Variants in LIMCH1 observed in about 807,000 individuals in gnomAD.
LIMCH1 encodes LIM and calponin homology domains 1.
In LIMCH1, 113 loss-of-function variants were observed where a neutral mutation model predicts 176.5. That is an observed-to-expected ratio of 0.64 (90% CI 0.55 to 0.75). LIMCH1 has a LOEUF of 0.75. LIMCH1 is among the 30% of genes least tolerant of loss of function. The pLI is 0.00. For synonymous variants in LIMCH1, 619 were observed against 645.9 expected, an observed-to-expected ratio of 0.96 and a Z score of 0.63; for missense variants, 1,674 against 1,814.9, an observed-to-expected ratio of 0.92 and a Z score of 1.41.
At chr4:41,617,148 A>G (rs2092173420) in intron 5 of LIMCH1, among the ~76,000 whole-genome samples, 1 of 152,112 alleles carries the variant, frequency 6.6e-6, no homozygotes, top group Non-Finnish European at 1.5e-5. Context: ...AGGATTTTAG[A>G]ATTGAGGGAC....
At chr4:41,553,147 C>T (rs1386332193) in intron 1 of LIMCH1, among the ~76,000 whole-genome samples, 2 of 152,132 alleles carry the variant, frequency 1.3e-5, no homozygotes, top group Non-Finnish European at 2.9e-5. Flanking sequence ...CAGTGATGGG[C>T]AGCTGTCTGA....
intron 1 of LIMCH1, among the ~76,000 whole-genome samples, chr4:41,544,264 G>C (rs1278539530): frequency 6.6e-6 from 1 of 152,158 alleles, no homozygotes; most frequent in Non-Finnish European, 1.5e-5. Context: ...TCGAAAGACT[G>C]TGAACATTCT....
chr4:41,662,796 G>T (rs201990911), intron 19 of LIMCH1, 25 bp from the exon 20 acceptor site: 295 of 1,548,532 alleles, frequency 1.9e-4, no homozygotes, highest in Non-Finnish European at 1.9e-4. Context: ...CCTTCTGTAC[G>T]TTTCTGGATG....
At chr4:41,514,628 T>C (rs1360112328) in intron 2 of LIMCH1, among the ~76,000 whole-genome samples, 1 of 152,174 alleles carries the variant, frequency 6.6e-6, no homozygotes, top group African/African-American at 2.4e-5. Context: ...CAGTGAGCAA[T>C]AGGCAGCCAG....
chr4:41,500,715 A>G (rs1189142551), intron 2 of LIMCH1, among the ~76,000 whole-genome samples: 4 of 152,220 alleles, frequency 2.6e-5, no homozygotes, highest in African/African-American at 4.8e-5. Context: ...TGTTGGGCAC[A>G]CCTGCCCAAG....
intron 1 of LIMCH1, among the ~76,000 whole-genome samples, chr4:41,547,360 C>T (rs982356272): frequency 6.6e-6 from 1 of 152,026 alleles, no homozygotes; most frequent in African/African-American, 2.4e-5. Flanking sequence ...TACTCTCTAC[C>T]TCTATGAGTT....
At chr4:41,514,115 G>A (rs1399588154) in intron 2 of LIMCH1, among the ~76,000 whole-genome samples, 1 of 144,112 alleles carries the variant, frequency 6.9e-6, no homozygotes, top group East Asian at 2.3e-4. Flanking sequence ...CAAAACTGAT[G>A]TTTTGAGTCC....
intron 1 of LIMCH1, among the ~76,000 whole-genome samples, chr4:41,584,168 C>A (rs1448684988): frequency 2.0e-5 from 3 of 152,164 alleles, no homozygotes; most frequent in African/African-American, 7.2e-5. Context: ...ATTGTCTTAA[C>A]CTGCAGCCCT....
chr4:41,626,818 T>A lies in LIMCH1; in HGVS notation c.836T>A (p.Val279Asp), dbSNP rs1276272569. Residue 279 changes from valine to aspartate, a missense_variant, in exon 8 of 32, where the codon GTT becomes GAT. Physicochemically the swap from Val to Asp is radical, Grantham distance 152 (BLOSUM62 -3). Transcript: ENST00000503057. ...AACGATTCAGAGGCAGAAGGTGAAG[T>A]TGTGTGTCGACTGCCTGATCTTGAG... ...HGNDSEAEGEVVCRLPDLEKD... is the reference protein window; with the variant it reads ...HGNDSEAEGEDVCRLPDLEKD... 3.3e-6 allele frequency: 5 copies of A among 1,536,218 alleles called. No homozygotes were observed. The highest frequency in any genetic ancestry group is 4.4e-6 in the Non-Finnish European group (5 of 1,146,924).
chr4:41,394,326 C>A (rs778479181), intron 1 of LIMCH1, among the ~76,000 whole-genome samples: 1 of 152,104 alleles, frequency 6.6e-6, no homozygotes, highest in South Asian at 2.1e-4. Flanking sequence ...TACACTTAAA[C>A]CCTTCCAATG....
chr4:41,420,666 A>G (rs945627780), intron 1 of LIMCH1, among the ~76,000 whole-genome samples: 2 of 152,196 alleles, frequency 1.3e-5, no homozygotes, highest in Non-Finnish European at 2.9e-5. Flanking sequence ...CTCTGAAGGC[A>G]GGGCCAACGT....
chr4:41,391,898 C>T (rs1466780010), intron 1 of LIMCH1, among the ~76,000 whole-genome samples: 1 of 152,114 alleles, frequency 6.6e-6, no homozygotes, highest in Non-Finnish European at 1.5e-5. Context: ...TTGATAAATG[C>T]ACTATGGTTA....
At chr4:41,419,066 C>A (rs911186905) in intron 1 of LIMCH1, among the ~76,000 whole-genome samples, 1 of 152,172 alleles carries the variant, frequency 6.6e-6, no homozygotes, top group African/African-American at 2.4e-5. Context: ...CCAGTCACTT[C>A]ACAATCTGCC....
intron 1 of LIMCH1, among the ~76,000 whole-genome samples, chr4:41,401,631 C>T (rs2058452015): frequency 6.6e-6 from 1 of 151,890 alleles, no homozygotes; most frequent in South Asian, 2.1e-4. Context: ...GCAGTATGGC[C>T]ATTTTCACGA....
Position 41,629,645 on chromosome 4 carries a change from C to T in LIMCH1, c.1182C>T (p.His394=). The T allele has an allele frequency of 6.5e-7, 1 of 1,536,070 alleles. No individual in the cohort carries two copies. Among genetic ancestry groups the T allele is most frequent in the Admixed American group, 2.0e-5 (1 of 50,998 alleles). The part of the protein sequence containing the change: ...QQRIQGSLAP[H]REPPSFITLS... ...GAATTCAGGGCAGCCTTGCCCCTCACCGCGAGCCCCCGAGCTTCATTACGC... is the reference window on the plus strand; with the variant it reads ...GAATTCAGGGCAGCCTTGCCCCTCATCGCGAGCCCCCGAGCTTCATTACGC... The change falls in exon 9 of 32, where the codon CAC becomes CAT. Residue 394 remains histidine, a synonymous_variant. Transcript: ENST00000503057.
At chr4:41,547,751 T>C (rs141938891) in intron 1 of LIMCH1, among the ~76,000 whole-genome samples, 1,452 of 139,408 alleles carry the variant, frequency 0.01, 13 homozygotes, top group African/African-American at 0.036. Context: ...AAATAATATA[T>C]AAAAATATAA....
chr4:41,403,101 A>G (rs1292444611), intron 1 of LIMCH1, among the ~76,000 whole-genome samples: 1 of 152,162 alleles, frequency 6.6e-6, no homozygotes, highest in Non-Finnish European at 1.5e-5. Flanking sequence ...ATATTTTTCT[A>G]TTCAAAAAAT....
Position 41,450,798 on chromosome 4 carries a change from CAAAAAAA to C in LIMCH1, c.97-43719_97-43713del, listed in dbSNP as rs760652470. On this transcript the variant is annotated intron_variant, in intron 1 of 26. Coordinates refer to the LIMCH1 transcript ENST00000313860. Reference sequence around the variant, plus strand: ...CCATAGAGCAAGACTCTCTCTCTCTCAAAAAAAAAAAAAAAAAAAAAAAAAGTTGTAG... The same window carrying C: ...CCATAGAGCAAGACTCTCTCTCTCTCAAAAAAAAAAAAAAAAAAGTTGTAG... 3.4e-4 allele frequency among the ~76,000 whole-genome samples: 17 copies of C among 50,644 alleles called. No individual in the cohort carries two copies. In the South Asian group the frequency reaches 0.013, roughly 37 times the overall value. 33.2% of individuals were successfully genotyped at this position (50,644 alleles called of 152,430 possible).
chr4:41,542,931 C>G (rs187919439), intron 1 of LIMCH1, among the ~76,000 whole-genome samples: 1 of 152,172 alleles, frequency 6.6e-6, no homozygotes. Context: ...TTATCTGTTT[C>G]GATGCTGGCA....
Sources: allele counts gnomAD v4.1 joint callset (sites outside exome capture counted in the v4.1 genomes callset), GRCh38; gene constraint gnomAD v4.1.1; transcripts MANE v1.5; gene names NCBI Gene and HGNC (gene_info 2026-07-23, HGNC 2026-07-21).